The following PHACTR3 variants were observed in gnomAD, a reference collection of about 807,000 sequenced individuals.
PHACTR3 encodes the protein protein phosphatase 1, regulatory subunit 123.
Under a neutral mutation model 66.8 loss-of-function variants are expected in PHACTR3, and 16 were observed. That is an observed-to-expected ratio of 0.24 (90% confidence interval 0.16 to 0.36). PHACTR3 has a LOEUF of 0.36. Among genes scored for constraint, PHACTR3 ranks in the 10% least tolerant of loss-of-function variants. The pLI is 1.00. For missense variants in PHACTR3, 647 were observed against 719.9 expected, an observed-to-expected ratio of 0.90 and a Z score of 1.16; for synonymous variants, 323 against 292.1, an observed-to-expected ratio of 1.11 and a Z score of -1.08.
intron 7 of PHACTR3, among the ~76,000 whole-genome samples, chr20:59,793,087 CTA>C (rs2041151752): frequency 6.6e-6 from 1 of 151,858 alleles, no homozygotes; most frequent in African/African-American, 2.4e-5. Context: ...CGAGGTCTCA[CTA>C]TGTTTTCCAG....
chr20:59,685,636 G>A (rs545410991), intron 1 of PHACTR3, among the ~76,000 whole-genome samples: 4 of 152,298 alleles, frequency 2.6e-5, no homozygotes, highest in South Asian at 2.1e-4. Flanking sequence ...GCTGGAACTC[G>A]TCAGACCATC....
chr20:59,653,185 A>T (rs981057261), intron 1 of PHACTR3, among the ~76,000 whole-genome samples: 1 of 151,136 alleles, frequency 6.6e-6, no homozygotes, highest in Admixed American at 6.6e-5. Flanking sequence ...CCGAGAAAGT[A>T]ATTTTTTTTT....
chr20:59,770,375 G>T (rs756745607), intron 5 of PHACTR3, among the ~76,000 whole-genome samples: 37 of 152,164 alleles, frequency 2.4e-4, no homozygotes, highest in Admixed American at 7.9e-4. Context: ...TTTGGGAAAA[G>T]GTTCATGTGC....
At chr20:59,814,560 G>A (rs999790865) in intron 8 of PHACTR3, among the ~76,000 whole-genome samples, 23 of 152,208 alleles carry the variant, frequency 1.5e-4, no homozygotes, top group African/African-American at 5.5e-4. Context: ...TGGACTTGCT[G>A]ATCTCAGCTG....
At chr20:59,720,955 C>G (rs8124718) in intron 1 of PHACTR3, among the ~76,000 whole-genome samples, 54 of 127,682 alleles carry the variant, frequency 4.2e-4, no homozygotes, top group African/African-American at 2.7e-3. Flanking sequence ...GATTTCTGTA[C>G]TGGGTGTCAG....
Position 59,632,416 on chromosome 20 carries a change from T to C in PHACTR3, c.118+27284T>C, listed in dbSNP as rs888501988. On this transcript the variant is annotated intron_variant, in intron 1 of 12. Coordinates refer to ENST00000371015, the MANE Select transcript of PHACTR3 (RefSeq NM_080672.5). ...ATGAGAATCTGTTCTAGGACTTCAG[T>C]TGAAGCGCTTGGAAAGAGTTGTTTT... Among the ~76,000 whole-genome samples the C allele has an allele frequency of 5.3e-5, 8 of 152,274 alleles. No homozygotes were observed. In the South Asian group the frequency reaches 1.2e-3, roughly 24 times the overall value.
intron 1 of PHACTR3, among the ~76,000 whole-genome samples, chr20:59,734,061 C>A (rs115183024): frequency 6.6e-6 from 1 of 151,848 alleles, no homozygotes; most frequent in Non-Finnish European, 1.5e-5. Context: ...TCCACATTGT[C>A]CCCAGGACTC....
At chr20:59,666,167 A>G (rs997140638) in intron 1 of PHACTR3, among the ~76,000 whole-genome samples, 7 of 152,172 alleles carry the variant, frequency 4.6e-5, no homozygotes, top group African/African-American at 1.4e-4. Flanking sequence ...AGAAATAAAC[A>G]GAGATGGACA....
At chr20:59,649,101 C>T (rs2035379794) in intron 1 of PHACTR3, among the ~76,000 whole-genome samples, 1 of 152,134 alleles carries the variant, frequency 6.6e-6, no homozygotes, top group South Asian at 2.1e-4. Flanking sequence ...TGTTTATTTA[C>T]TTGAGCTAAT....
At chr20:59,616,692 G>A (rs552229265) in intron 1 of PHACTR3, among the ~76,000 whole-genome samples, 1 of 152,220 alleles carries the variant, frequency 6.6e-6, no homozygotes, top group Non-Finnish European at 1.5e-5. Context: ...CCTTAGGGTT[G>A]CCTCTGGGCT....
At chr20:59,658,637 C>T (rs989270263) in intron 1 of PHACTR3, among the ~76,000 whole-genome samples, 4 of 152,172 alleles carry the variant, frequency 2.6e-5, no homozygotes, top group African/African-American at 9.7e-5. Flanking sequence ...TCTTCTGCCT[C>T]CTTCCTTAAT....
rs140645969 is a variant in PHACTR3, at chr20:59,688,182, T to G, written c.119-54925T>G. Among the ~76,000 whole-genome samples the G allele has an allele frequency of 1.3e-4, 20 of 152,330 alleles. No homozygotes were observed. In the East Asian group the frequency reaches 3.7e-3, roughly 28 times the overall value. On this transcript the variant is annotated intron_variant, in intron 1 of 12. Transcript: ENST00000371015. Reference sequence around the variant, plus strand: ...AAGTTTCTTTAATAGATAATTTAGGTGCAAAAAGTGAGTTGCCTTAAAACA... The same window carrying G: ...AAGTTTCTTTAATAGATAATTTAGGGGCAAAAAGTGAGTTGCCTTAAAACA...
intron 1 of PHACTR3, among the ~76,000 whole-genome samples, chr20:59,644,922 G>A (rs998893350): frequency 7.9e-5 from 12 of 152,038 alleles, no homozygotes; most frequent in African/African-American, 2.2e-4. Flanking sequence ...AGGGCACATC[G>A]CCTGATGCTG....
chr20:59,843,046 C>T (rs908666973), intron 11 of PHACTR3, among the ~76,000 whole-genome samples: 3 of 151,950 alleles, frequency 2.0e-5, no homozygotes, highest in Admixed American at 2.0e-4. Flanking sequence ...CAAAATCACA[C>T]AAAAATTAGT....
intron 9 of PHACTR3, among the ~76,000 whole-genome samples, chr20:59,838,620 G>A (rs1037855555): frequency 3.9e-5 from 6 of 152,160 alleles, no homozygotes; most frequent in Non-Finnish European, 7.3e-5. Context: ...TGAATATTGG[G>A]AAAAGGATAG....
chr20:59,817,190 A>G (rs893556859), intron 8 of PHACTR3, among the ~76,000 whole-genome samples: 2 of 152,222 alleles, frequency 1.3e-5, no homozygotes, highest in Non-Finnish European at 2.9e-5. Context: ...ATTATAACCA[A>G]CCTATTCAGA....
intron 7 of PHACTR3, among the ~76,000 whole-genome samples, chr20:59,778,995 G>T (rs1309693027): frequency 6.6e-6 from 1 of 152,230 alleles, no homozygotes; most frequent in African/African-American, 2.4e-5. Context: ...GTGTTACATG[G>T]GGTGTCATCT....
chr20:59,694,634 G>A (rs1013380422), intron 1 of PHACTR3, among the ~76,000 whole-genome samples: 1 of 152,112 alleles, frequency 6.6e-6, no homozygotes, highest in African/African-American at 2.4e-5. Flanking sequence ...CAAGGCACTG[G>A]CCTTTCTGAA....
chr20:59,607,535 G>A (rs574136529), intron 1 of PHACTR3, among the ~76,000 whole-genome samples: 58 of 152,282 alleles, frequency 3.8e-4, no homozygotes, highest in Non-Finnish European at 5.7e-4. Context: ...CCCTGCAAAG[G>A]CATTTTTAAT....
Sources: gnomAD v4.1 joint callset for allele counts (sites outside exome capture counted in the v4.1 genomes callset) on GRCh38, gnomAD v4.1.1 for gene constraint, MANE v1.5 for transcripts, NCBI Gene and HGNC (gene_info 2026-07-23, HGNC 2026-07-21) for gene names.